The following EYS variants were observed in gnomAD, a reference collection of about 807,000 sequenced individuals.
EYS encodes the protein EGF-like photoreceptor maintenance factor.
A neutral mutation model predicts 282.1 loss-of-function variants in EYS; 250 were observed. That is an observed-to-expected ratio of 0.89 (90% CI 0.80 to 0.98). The LOEUF is 0.98. EYS is among the 50% of genes least tolerant of loss of function. The pLI is 0.00. For missense variants in EYS, 4,016 were observed against 3,709.0 expected (o/e 1.08, Z -2.15); for synonymous variants, 1,355 against 1,282.9 (o/e 1.06, Z -1.20).
At chr6:64,409,538 C>T (rs151029961) in intron 28 of EYS, among the ~76,000 whole-genome samples, 250 of 152,224 alleles carry the variant, frequency 1.6e-3, no homozygotes, top group Non-Finnish European at 2.7e-3. Flanking sequence ...TAGCAAAATG[C>T]GAAGCAATTC....
intron 35 of EYS, among the ~76,000 whole-genome samples, chr6:63,953,073 A>G (rs1328146047): frequency 6.6e-6 from 1 of 152,072 alleles, no homozygotes; most frequent in Non-Finnish European, 1.5e-5. Context: ...CAACCCATAC[A>G]CTATTTTGTC....
intron 14 of EYS, among the ~76,000 whole-genome samples, chr6:64,971,954 A>C (rs1375746030): frequency 1.3e-5 from 2 of 152,186 alleles, no homozygotes; most frequent in Non-Finnish European, 2.9e-5. Flanking sequence ...TCCCAGATTT[A>C]TGATGATGCC....
At chr6:63,853,250 A>C (rs1772306067) in intron 36 of EYS, among the ~76,000 whole-genome samples, 1 of 152,200 alleles carries the variant, frequency 6.6e-6, no homozygotes, top group Non-Finnish European at 1.5e-5. Flanking sequence ...TCTCAGTCCA[A>C]AATCTCCTTA....
At chr6:65,132,211 A>G (rs899373038) in intron 12 of EYS, among the ~76,000 whole-genome samples, 3 of 152,038 alleles carry the variant, frequency 2.0e-5, no homozygotes, top group African/African-American at 7.2e-5. Context: ...AACTCATTCT[A>G]TGAGGCCAGC....
intron 41 of EYS, among the ~76,000 whole-genome samples, chr6:63,727,770 C>T (rs1330863062): frequency 6.0e-5 from 5 of 83,852 alleles, no homozygotes; most frequent in Non-Finnish European, 1.0e-4. Flanking sequence ...GGCATGGTGG[C>T]GAATGCCTGT....
intron 11 of EYS, among the ~76,000 whole-genome samples, chr6:65,327,788 C>G (rs1769665468): frequency 6.6e-6 from 1 of 151,406 alleles, no homozygotes; most frequent in African/African-American, 2.4e-5. Flanking sequence ...AAGTGGTTAG[C>G]TCTTTGCACT....
intron 22 of EYS, among the ~76,000 whole-genome samples, chr6:64,719,041 C>T (rs1771487679): frequency 6.6e-6 from 1 of 152,130 alleles, no homozygotes; most frequent in South Asian, 2.1e-4. Context: ...AAAGATGCAG[C>T]AGAGGAAAAT....
At chr6:65,706,671 A>T (rs1769890172) in intron 1 of EYS, among the ~76,000 whole-genome samples, 1 of 152,190 alleles carries the variant, frequency 6.6e-6, no homozygotes, top group South Asian at 2.1e-4. Context: ...CACCTCCAAC[A>T]AAACTAGTAT....
At chr6:65,106,547 A>G (rs1775044339) in intron 12 of EYS, among the ~76,000 whole-genome samples, 1 of 152,106 alleles carries the variant, frequency 6.6e-6, no homozygotes, top group Non-Finnish European at 1.5e-5. Flanking sequence ...CTACGTGAGC[A>G]TTAAAGCTAA....
At chr6:63,780,963 A>T (rs151175431) in intron 39 of EYS, among the ~76,000 whole-genome samples, 1 of 152,242 alleles carries the variant, frequency 6.6e-6, no homozygotes, top group African/African-American at 2.4e-5. Flanking sequence ...AGCTTTCTAC[A>T]TATGACTAGC....
At position 65,082,747 on chromosome 6, in the gene EYS, T is replaced by C. The variant is rs73765755; in HGVS notation, c.2024-25020A>G. ...TGAAGCTATTCCCCCCATTGTTACA[T>C]TACTATCAGCCTGTTTTGATATATT... On this transcript the variant is annotated intron_variant, in intron 12 of 42. Transcript: ENST00000503581. Among the ~76,000 whole-genome samples, 366 of 152,170 alleles carry C rather than the reference T, an allele frequency of 2.4e-3. 5 individuals carry two copies. Among genetic ancestry groups the C allele is most frequent in the Middle Eastern group, 0.01 (3 of 294 alleles).
At chr6:64,793,778 A>G (rs1219299469) in intron 22 of EYS, among the ~76,000 whole-genome samples, 1 of 151,992 alleles carries the variant, frequency 6.6e-6, no homozygotes, top group Non-Finnish European at 1.5e-5. Flanking sequence ...AAATGTCTTT[A>G]TGAACAATTA....
chr6:65,079,296 A>G (rs1450266737), intron 12 of EYS, among the ~76,000 whole-genome samples: 1 of 152,112 alleles, frequency 6.6e-6, no homozygotes, highest in African/African-American at 2.4e-5. Flanking sequence ...TGAAATGTTG[A>G]TGCAAGAGGA....
rs192005693 is a variant in EYS, at chr6:65,456,538, T to C, written c.862+34056A>G. Among the ~76,000 whole-genome samples, 52 of 152,092 alleles carry C rather than the reference T, an allele frequency of 3.4e-4. No individual in the cohort carries two copies. In the East Asian group the frequency reaches 8.9e-3, roughly 26 times the overall value. ...CCACTGTTCTTGTACAATTATTTTATAATTATAAAAAAAAGAACATTCACT... is the reference window on the plus strand; with the variant it reads ...CCACTGTTCTTGTACAATTATTTTACAATTATAAAAAAAAGAACATTCACT... On this transcript the variant is annotated intron_variant, in intron 5 of 42. Coordinates refer to ENST00000503581, the MANE Select transcript of EYS (RefSeq NM_001142800.2).
At chr6:65,052,605 T>C (rs1422601634) in intron 13 of EYS, among the ~76,000 whole-genome samples, 2 of 151,642 alleles carry the variant, frequency 1.3e-5, no homozygotes, top group Non-Finnish European at 3.0e-5. Context: ...GTCTGGATCC[T>C]GCTTTGCTAC....
intron 13 of EYS, among the ~76,000 whole-genome samples, chr6:65,033,468 C>T (rs372071558): frequency 1.1e-4 from 17 of 152,132 alleles, no homozygotes; most frequent in South Asian, 2.1e-4. Flanking sequence ...TTTCATAGGC[C>T]GGTCACAAGG....
At chr6:64,465,733 A>T (rs549004940) in intron 26 of EYS, among the ~76,000 whole-genome samples, 29 of 60,864 alleles carry the variant, frequency 4.8e-4, no homozygotes, top group Middle Eastern at 8.6e-3. Flanking sequence ...CCAAAAAAGT[A>T]AAAAAAAAAA....
chr6:64,365,514 T>C (rs890042687), intron 29 of EYS, among the ~76,000 whole-genome samples: 1 of 151,998 alleles, frequency 6.6e-6, no homozygotes, highest in Admixed American at 6.6e-5. Context: ...AGAGCAGCCA[T>C]GGACACTCAC....
At chr6:63,948,682 G>T in intron 35 of EYS, among the ~76,000 whole-genome samples, 1 of 150,614 alleles carries the variant, frequency 6.6e-6, no homozygotes, top group Non-Finnish European at 1.5e-5. Context: ...ACTAATATTT[G>T]AATCAACCTT....
Sources: allele counts gnomAD v4.1 joint callset (sites outside exome capture counted in the v4.1 genomes callset), GRCh38; gene constraint gnomAD v4.1.1; transcripts MANE v1.5; gene names NCBI Gene and HGNC (gene_info 2026-07-23, HGNC 2026-07-21).